Variants in ZBTB44 observed in about 807,000 individuals in gnomAD.
ZBTB44 encodes zinc finger and BTB domain-containing protein 44.
In ZBTB44, 15 loss-of-function variants were observed where a neutral mutation model predicts 54.0. That is an observed-to-expected ratio of 0.28 (90% CI 0.19 to 0.43). ZBTB44 has a LOEUF of 0.43. Ranked by LOEUF, ZBTB44 falls within the 20% of genes least tolerant of loss-of-function variation. The probability of loss-of-function intolerance (pLI) is 1.00; values close to 1 mark genes in which losing one functional copy is unlikely to be tolerated. For synonymous variants in ZBTB44, 230 were observed against 250.1 expected, an observed-to-expected ratio of 0.92 and a Z score of 0.76; for missense variants, 487 against 707.1, an observed-to-expected ratio of 0.69 and a Z score of 3.53.
At position 130,227,695 on chromosome 11, in the gene ZBTB44, A is replaced by G. The variant is rs574637938; in HGVS notation, c.*4069T>C. ...TTTTAAATGGAGCCAGCTTTATGTT[A>G]GCCCTGTAAAATATTGAGCTACTGT... is the stretch of plus-strand genomic sequence containing the variant. On this transcript the variant is annotated 3_prime_UTR_variant, in exon 8 of 8. Transcript: ENST00000357899. 1 of 152,354 alleles carries G rather than the reference A, an allele frequency of 6.6e-6. No individual in the cohort carries two copies. Among genetic ancestry groups the G allele is most frequent in the South Asian group, 2.1e-4 (1 of 4,822 alleles). The allele number at this position is 152,354 out of a possible 1,614,324, so 9.4% of individuals were successfully genotyped here. A position where few individuals can be genotyped will look rare whatever the true frequency, so the allele number is the denominator to read the frequency against.
At chr11:130,284,829 A>G (rs576749770) in intron 1 of ZBTB44, among the ~76,000 whole-genome samples, 2 of 152,134 alleles carry the variant, frequency 1.3e-5, no homozygotes, top group South Asian at 4.2e-4. Context: ...TCATGCCACT[A>G]CACTCCACAG....
intron 1 of ZBTB44, among the ~76,000 whole-genome samples, chr11:130,304,657 A>G (rs927707713): frequency 1.3e-5 from 2 of 152,186 alleles, no homozygotes; most frequent in Non-Finnish European, 2.9e-5. Context: ...TGCTCTACAT[A>G]TTCAGAGAAA....
At chr11:130,270,929 T>C (rs899697109) in intron 1 of ZBTB44, among the ~76,000 whole-genome samples, 19 of 152,338 alleles carry the variant, frequency 1.2e-4, no homozygotes, top group African/African-American at 4.6e-4. Context: ...GAAGTCACGA[T>C]AAATTTCATT....
intron 7 of ZBTB44, 185 bp downstream of exon 7, chr11:130,233,123 T>A: frequency 3.6e-6 from 2 of 553,196 alleles, no homozygotes; most frequent in Non-Finnish European, 3.1e-6. Context: ...ATATAGAATA[T>A]CTCCAGTATT....
intron 1 of ZBTB44, among the ~76,000 whole-genome samples, chr11:130,282,029 T>C (rs1940565445): frequency 6.6e-6 from 1 of 152,174 alleles, no homozygotes; most frequent in South Asian, 2.1e-4. Flanking sequence ...CCAGCCTGGG[T>C]GATGGAGTGA....
chr11:130,232,738 G>A (rs1953925483), intron 7 of ZBTB44: 1 of 152,280 alleles, frequency 6.6e-6, no homozygotes, highest in Non-Finnish European at 1.5e-5. Context: ...GCCTTGGCCG[G>A]TGCAGTGATC....
At chr11:130,284,341 CA>C (rs1940771996) in intron 1 of ZBTB44, among the ~76,000 whole-genome samples, 1 of 152,202 alleles carries the variant, frequency 6.6e-6, no homozygotes, top group Admixed American at 6.5e-5. Context: ...AAATAAAATT[CA>C]AGTAACTAAT....
chr11:130,298,272 AG>A (rs1354471504), intron 1 of ZBTB44, among the ~76,000 whole-genome samples: 1 of 151,770 alleles, frequency 6.6e-6, no homozygotes, highest in Non-Finnish European at 1.5e-5. Flanking sequence ...CTTCCTGAAT[AG>A]CTGGGACTAC....
rs1420214290 is a variant in ZBTB44 at position 130,261,831 on chromosome 11, G to C, written c.43C>G (p.Gln15Glu). 6.2e-7 allele frequency: 1 copy of C among 1,613,508 alleles called. No homozygotes were observed. The highest frequency in any genetic ancestry group is 1.7e-5 in the Admixed American group (1 of 60,016). Residue 15 changes from glutamine (Q) to glutamate (E), a missense_variant, in exon 2 of 8, where the codon CAG becomes GAG. This residue lies in a region of ZBTB44 where 90 missense variants were observed against 160.3 expected (regional missense o/e 0.56). Transcript: ENST00000357899. This position sits in a 1 kb window ranked among gnomAD's most constrained non-coding sequence, Gnocchi z 4.8. ...ATATTTAGCTTTCCAAGCATTTCCT[G>C]GCTGTGGGAAGAGGAGCTATGAGTA... ...TFTHSSSSHSQEMLGKLNMLR... is the reference protein window; with the variant it reads ...TFTHSSSSHSEEMLGKLNMLR...
intron 1 of ZBTB44, chr11:130,296,390 T>C: frequency 6.6e-7 from 1 of 1,518,614 alleles, no homozygotes; most frequent in South Asian, 1.3e-5. Flanking sequence ...TGAACTACAT[T>C]GATTTGCCCG....
At chr11:130,272,922 G>C (rs377192973) in intron 1 of ZBTB44, among the ~76,000 whole-genome samples, 4 of 152,102 alleles carry the variant, frequency 2.6e-5, no homozygotes, top group Non-Finnish European at 5.9e-5. Context: ...ATATGTCCTT[G>C]TGCCAGTACC....
intron 1 of ZBTB44, among the ~76,000 whole-genome samples, chr11:130,274,318 G>A (rs1382383174): frequency 6.6e-6 from 1 of 152,106 alleles, no homozygotes; most frequent in Non-Finnish European, 1.5e-5. Context: ...TCTGAAAACA[G>A]TCTTACCTCT....
At chr11:130,283,571 T>C (rs1940696635) in intron 1 of ZBTB44, among the ~76,000 whole-genome samples, 1 of 152,194 alleles carries the variant, frequency 6.6e-6, no homozygotes, top group Admixed American at 6.5e-5. Context: ...ATCAAAAGAT[T>C]TTCATTTTTA....
intron 3 of ZBTB44, 197 bp from the exon 4 acceptor site, chr11:130,238,804 T>C: frequency 1.7e-6 from 1 of 599,540 alleles, no homozygotes; most frequent in South Asian, 2.9e-5. Context: ...TTTTTTTTTT[T>C]TATTTTTTGA....
intron 1 of ZBTB44, among the ~76,000 whole-genome samples, chr11:130,274,509 C>G (rs1158323351): frequency 6.6e-6 from 1 of 152,172 alleles, no homozygotes; most frequent in Non-Finnish European, 1.5e-5. Flanking sequence ...ATAGATGCCC[C>G]TTTTCAGGTT....
At chr11:130,238,834 CAT>C in intron 3 of ZBTB44, 1 of 436,840 alleles carries the variant, frequency 2.3e-6, no homozygotes. Flanking sequence ...AGGCAGAAGT[CAT>C]ATCGTGTAGG....
chr11:130,303,335 A>G (rs1344117559), intron 1 of ZBTB44, among the ~76,000 whole-genome samples: 2 of 152,196 alleles, frequency 1.3e-5, no homozygotes, highest in African/African-American at 4.8e-5. Context: ...TCACTTCAGC[A>G]TTAAAAAATA....
chr11:130,271,781 C>G (rs1939689229), intron 1 of ZBTB44, among the ~76,000 whole-genome samples: 1 of 152,098 alleles, frequency 6.6e-6, no homozygotes, highest in African/African-American at 2.4e-5. Flanking sequence ...CTGCTATAAA[C>G]AATCGTGTAA....
intron 2 of ZBTB44, among the ~76,000 whole-genome samples, chr11:130,256,198 A>C (rs1938433530): frequency 6.6e-6 from 1 of 152,224 alleles, no homozygotes; most frequent in South Asian, 2.1e-4. Flanking sequence ...TCCTCAATAA[A>C]ATACTGACAA....
Sources: gnomAD v4.1 joint callset for allele counts (sites outside exome capture counted in the v4.1 genomes callset) on GRCh38, gnomAD v4.1.1 for gene constraint, gnomAD v4.1.1 regional missense constraint, Gnocchi (gnomAD v3.1) non-coding constraint, MANE v1.5 for transcripts, NCBI Gene and HGNC (gene_info 2026-07-23, HGNC 2026-07-21) for gene names.